Variants in ZNRF3 observed in about 807,000 individuals in gnomAD.
ZNRF3 encodes zinc and ring finger 3.
ZNRF3 carries 23 observed loss-of-function variants against 72.5 expected under a neutral mutation model. That is an observed-to-expected ratio of 0.32 (90% confidence interval 0.23 to 0.45). ZNRF3 has a LOEUF of 0.45. ZNRF3 is among the 20% of genes least tolerant of loss of function. The pLI is 1.00. For synonymous variants in ZNRF3, 610 were observed against 545.3 expected, an observed-to-expected ratio of 1.12 and a Z score of -1.65; for missense variants, 1,169 against 1,272.1, an observed-to-expected ratio of 0.92 and a Z score of 1.23.
At position 29,050,543 on chromosome 22, in the gene ZNRF3, G is replaced by A. The variant is rs779314737; in HGVS notation, c.2362G>A (p.Ala788Thr). 6.2e-7 allele frequency: 1 copy of A among 1,610,508 alleles called. No homozygotes were observed. Among genetic ancestry groups the A allele is most frequent in the Non-Finnish European group, 8.5e-7 (1 of 1,178,816 alleles). ...CTGCTTCTATGAAGAGAAGCAGGTG[G>A]CCCGCGGGGGCGGAGGGGGCAGCGG... ...PCCFYEEKQV[A>T]RGGGGGSGCY... is the part of the protein sequence containing the mutation. The change falls in exon 8 of 9, where the codon GCC becomes ACC. Residue 788 changes from alanine to threonine, a missense_variant. Ala to Thr is a moderately conservative substitution (Grantham distance 58). Transcript: ENST00000544604.
intron 2 of ZNRF3, among the ~76,000 whole-genome samples, chr22:28,997,066 G>A (rs2036056528): frequency 6.6e-6 from 1 of 152,140 alleles, no homozygotes; most frequent in Non-Finnish European, 1.5e-5. Flanking sequence ...AGGGACGGTT[G>A]GGCCGGAATC....
chr22:29,001,458 C>G (rs1007203621), intron 2 of ZNRF3, among the ~76,000 whole-genome samples: 1 of 149,540 alleles, frequency 6.7e-6, no homozygotes, highest in Non-Finnish European at 1.5e-5. Flanking sequence ...CTTTGCAACC[C>G]AAGATTTTTT....
At chr22:28,920,677 C>T (rs1206403610) in intron 1 of ZNRF3, among the ~76,000 whole-genome samples, 2 of 152,214 alleles carry the variant, frequency 1.3e-5, no homozygotes, top group Non-Finnish European at 2.9e-5. Context: ...GTTGACTTTA[C>T]AATAGCTATG....
At chr22:28,898,386 T>C (rs1348649940) in intron 1 of ZNRF3, among the ~76,000 whole-genome samples, 4 of 152,232 alleles carry the variant, frequency 2.6e-5, no homozygotes, top group Non-Finnish European at 5.9e-5. Context: ...TGCCTGTGCT[T>C]CCTGGAGGTC....
chr22:28,966,893 A>G (rs776365803), intron 1 of ZNRF3, among the ~76,000 whole-genome samples: 3 of 99,512 alleles, frequency 3.0e-5, no homozygotes, highest in African/African-American at 5.4e-5. Flanking sequence ...TTTTTTTGAG[A>G]TGGAGTCTCG....
chr22:28,909,683 G>A (rs970509874), intron 1 of ZNRF3, among the ~76,000 whole-genome samples: 1 of 151,654 alleles, frequency 6.6e-6, no homozygotes, highest in African/African-American at 2.4e-5. Flanking sequence ...CAGGCTCAAG[G>A]GATCCTCCTG....
Position 29,048,360 on chromosome 22 carries a change from A to C in ZNRF3, c.913-29A>C, listed in dbSNP as rs1483901732. ...AGGACACACCTGCGAGGCTGAAGGCAGACTTGTGTCCCCTCTCTCCCTGCC... is the reference window on the plus strand; with the variant it reads ...AGGACACACCTGCGAGGCTGAAGGCCGACTTGTGTCCCCTCTCTCCCTGCC... On this transcript the variant is annotated intron_variant, in intron 6 of 8. Transcript: ENST00000544604. The surrounding 1 kb of genome is among the most constrained non-coding windows in gnomAD (Gnocchi z 4.9). 6.2e-7 allele frequency: 1 copy of C among 1,600,238 alleles called. No individual in the cohort carries two copies. The highest frequency in any genetic ancestry group is 8.6e-7 in the Non-Finnish European group (1 of 1,168,480).
intron 2 of ZNRF3, among the ~76,000 whole-genome samples, chr22:29,005,868 T>C (rs564476692): frequency 6.6e-6 from 1 of 152,192 alleles, no homozygotes; most frequent in South Asian, 2.1e-4. Context: ...AAACCCCGTC[T>C]CTACTAACAA....
At chr22:29,043,239 C>T (rs2037000897) in intron 3 of ZNRF3, 60 bp from the exon 4 acceptor site, 1 of 1,567,788 alleles carries the variant, frequency 6.4e-7, no homozygotes, top group Non-Finnish European at 8.6e-7. Context: ...GCCTTTCTTT[C>T]TCTCTACTGC....
intron 1 of ZNRF3, among the ~76,000 whole-genome samples, chr22:28,973,774 G>T (rs1377569026): frequency 6.6e-6 from 1 of 152,086 alleles, no homozygotes; most frequent in Non-Finnish European, 1.5e-5. Flanking sequence ...AAAAGAAAAA[G>T]GAATGAACTT....
chr22:28,901,541 C>T (rs982365107), intron 1 of ZNRF3, among the ~76,000 whole-genome samples: 9 of 151,594 alleles, frequency 5.9e-5, no homozygotes, highest in Non-Finnish European at 1.3e-4. Context: ...GCTTTGGCTG[C>T]TTTTCTGCTT....
chr22:28,966,616 A>G (rs528344550), intron 1 of ZNRF3, among the ~76,000 whole-genome samples: 1 of 152,246 alleles, frequency 6.6e-6, no homozygotes, highest in African/African-American at 2.4e-5. Context: ...AATTTTTAAC[A>G]AAAAAAGTTT....
intron 2 of ZNRF3, among the ~76,000 whole-genome samples, chr22:28,999,053 C>T (rs1281547169): frequency 1.3e-5 from 2 of 151,508 alleles, no homozygotes; most frequent in Non-Finnish European, 2.9e-5. Flanking sequence ...TGCGGTGGCT[C>T]ATGCCTGTAA....
intron 2 of ZNRF3, among the ~76,000 whole-genome samples, chr22:29,020,249 C>CATT (rs1555984928): frequency 4.6e-4 from 42 of 91,772 alleles, no homozygotes; most frequent in Middle Eastern, 7.6e-3. Context: ...CACAACCATC[C>CATT]TTTTTTTTTT....
At chr22:28,944,925 C>T (rs1035464682) in intron 1 of ZNRF3, among the ~76,000 whole-genome samples, 1 of 98,298 alleles carries the variant, frequency 1.0e-5, no homozygotes, top group African/African-American at 3.9e-5. Context: ...GACTCCGTCT[C>T]CAAATAAATA....
chr22:28,987,014 A>C, intron 1 of ZNRF3, 62 bp from the exon 2 acceptor site: 1 of 1,565,502 alleles, frequency 6.4e-7, no homozygotes, highest in South Asian at 1.2e-5. Context: ...AGAAATACAC[A>C]ATATGAGTCA....
intron 2 of ZNRF3, among the ~76,000 whole-genome samples, chr22:29,020,915 G>A (rs2036527483): frequency 6.6e-6 from 1 of 151,888 alleles, no homozygotes; most frequent in Non-Finnish European, 1.5e-5. Flanking sequence ...TCCTGCCTCA[G>A]CCTCCTGAGT....
At chr22:28,923,806 A>G (rs1278811960) in intron 1 of ZNRF3, among the ~76,000 whole-genome samples, 1 of 152,216 alleles carries the variant, frequency 6.6e-6, no homozygotes, top group Non-Finnish European at 1.5e-5. Context: ...CCAAGGGGCA[A>G]CCCCACACTC....
In ZNRF3 at chr22:28,903,205, C is replaced by T. The variant is rs117909231; in HGVS notation, c.300+19139C>T. On this transcript the variant is annotated intron_variant, in intron 1 of 8. Coordinates refer to ENST00000544604, the MANE Select transcript of ZNRF3 (RefSeq NM_001206998.2). Reference sequence around the variant, plus strand: ...TCTACAGCTAGATCATTGTCCAGGCCTTAAGCTCTGTCAGTCGGGCACGTG... The same window carrying T: ...TCTACAGCTAGATCATTGTCCAGGCTTTAAGCTCTGTCAGTCGGGCACGTG... Among the ~76,000 whole-genome samples the T allele has an allele frequency of 7.3e-4, 111 of 152,300 alleles. No individual in the cohort carries two copies. In the East Asian group the frequency reaches 0.012, roughly 17 times the overall value.
Sources: gnomAD v4.1 joint callset for allele counts (sites outside exome capture counted in the v4.1 genomes callset) on GRCh38, gnomAD v4.1.1 for gene constraint, Gnocchi (gnomAD v3.1) non-coding constraint, MANE v1.5 for transcripts, NCBI Gene and HGNC (gene_info 2026-07-23, HGNC 2026-07-21) for gene names.